ROBO2: variants seen among roughly 807,000 people sequenced by gnomAD.
The protein encoded by ROBO2 is roundabout homolog 2.
Under a neutral mutation model 160.8 loss-of-function variants are expected in ROBO2, and 53 were observed. That is an observed-to-expected ratio of 0.33 (90% CI 0.26 to 0.41). The LOEUF (loss-of-function observed/expected upper bound fraction) is 0.41, where lower values mean the gene tolerates loss of function less well. Ranked by LOEUF, ROBO2 falls within the 10% of genes least tolerant of loss-of-function variation. The pLI, the probability that ROBO2 is intolerant of heterozygous loss-of-function variation, is 1.00. For missense variants in ROBO2, 1,577 were observed against 1,722.4 expected (o/e 0.92, Z 1.49); for synonymous variants, 664 against 611.7 (o/e 1.09, Z -1.26).
At chr3:77,399,673 AATAGAT>A (rs1308232835) in intron 2 of ROBO2, among the ~76,000 whole-genome samples, 1 of 152,160 alleles carries the variant, frequency 6.6e-6, no homozygotes, top group African/African-American at 2.4e-5. Flanking sequence ...ACTTAATGGT[AATAGAT>A]ATAGAGTTCG....
At chr3:76,229,686 C>G (rs1295582417) in intron 2 of ROBO2, among the ~76,000 whole-genome samples, 1 of 151,894 alleles carries the variant, frequency 6.6e-6, no homozygotes, top group Non-Finnish European at 1.5e-5. Flanking sequence ...CCTATTTATC[C>G]TAGCTTCTTT....
intron 2 of ROBO2, among the ~76,000 whole-genome samples, chr3:76,305,215 T>C (rs572059453): frequency 6.6e-6 from 1 of 151,084 alleles, no homozygotes; most frequent in East Asian, 2.0e-4. Context: ...ATAGCCAGAT[T>C]CCTGTCTCTA....
At chr3:76,831,374 A>T (rs1431762637) in intron 2 of ROBO2, among the ~76,000 whole-genome samples, 1 of 152,208 alleles carries the variant, frequency 6.6e-6, no homozygotes. Flanking sequence ...TGATTTGATA[A>T]ATCTCAAAGG....
intron 2 of ROBO2, among the ~76,000 whole-genome samples, chr3:76,408,204 T>C (rs568315479): frequency 6.6e-6 from 1 of 152,210 alleles, no homozygotes; most frequent in East Asian, 1.9e-4. Flanking sequence ...ATTCAGACAT[T>C]GATGCCAATC....
chr3:77,307,068 C>T (rs1323217638), intron 2 of ROBO2, among the ~76,000 whole-genome samples: 2 of 152,122 alleles, frequency 1.3e-5, no homozygotes, highest in African/African-American at 4.8e-5. Context: ...ACAATTACAG[C>T]CTTTAACATG....
intron 2 of ROBO2, among the ~76,000 whole-genome samples, chr3:77,401,253 T>C (rs1425259256): frequency 1.9e-5 from 2 of 105,514 alleles, no homozygotes; most frequent in African/African-American, 8.7e-5. Context: ...ACTGCAGAGT[T>C]GTTTGTATTT....
chr3:76,198,898 A>G (rs894343960), intron 2 of ROBO2, among the ~76,000 whole-genome samples: 4 of 152,164 alleles, frequency 2.6e-5, no homozygotes, highest in Admixed American at 6.6e-5. Flanking sequence ...CCTTGCATGT[A>G]TTGATTGATG....
chr3:77,531,379 T>A (rs2153634986), intron 6 of ROBO2, among the ~76,000 whole-genome samples: 1 of 138,164 alleles, frequency 7.2e-6, no homozygotes, highest in African/African-American at 2.8e-5. Context: ...CAGCCACTAC[T>A]CTAAACAGAA....
chr3:76,477,781 G>A (rs1426536417), intron 2 of ROBO2, among the ~76,000 whole-genome samples: 1 of 151,480 alleles, frequency 6.6e-6, no homozygotes, highest in Non-Finnish European at 1.5e-5. Flanking sequence ...CCCTCTTCCT[G>A]CTGTTCCTTA....
At chr3:76,555,951 TGTG>T (rs1457021563) in intron 2 of ROBO2, among the ~76,000 whole-genome samples, 2 of 151,738 alleles carry the variant, frequency 1.3e-5, no homozygotes, top group African/African-American at 4.8e-5. Flanking sequence ...TTTGGCCAGG[TGTG>T]GTGGTGGGCA....
At chr3:77,141,325 T>C (rs2076685068) in intron 2 of ROBO2, among the ~76,000 whole-genome samples, 1 of 151,530 alleles carries the variant, frequency 6.6e-6, no homozygotes, top group South Asian at 2.1e-4. Context: ...TGTACTCTTT[T>C]ATAAACAGCC....
chr3:77,277,038 C>G (rs551662182), intron 2 of ROBO2, among the ~76,000 whole-genome samples: 2 of 152,158 alleles, frequency 1.3e-5, no homozygotes, highest in African/African-American at 4.8e-5. Flanking sequence ...TGGGTGCGGA[C>G]ACAGTCAAAC....
At chr3:76,817,619 A>G (rs934107316) in intron 2 of ROBO2, among the ~76,000 whole-genome samples, 3 of 151,948 alleles carry the variant, frequency 2.0e-5, no homozygotes, top group Admixed American at 2.0e-4. Context: ...ACTGCACCCA[A>G]TGTGTAGTCT....
At chr3:76,623,669 C>G (rs2089398108) in intron 2 of ROBO2, among the ~76,000 whole-genome samples, 1 of 152,148 alleles carries the variant, frequency 6.6e-6, no homozygotes, top group Non-Finnish European at 1.5e-5. Flanking sequence ...CTTCCAGAAC[C>G]TACATTATTC....
At chr3:76,428,541 C>T (rs544097201) in intron 2 of ROBO2, among the ~76,000 whole-genome samples, 1 of 152,110 alleles carries the variant, frequency 6.6e-6, no homozygotes, top group South Asian at 2.1e-4. Flanking sequence ...AGTCATGATA[C>T]TATGAAAATA....
intron 2 of ROBO2, among the ~76,000 whole-genome samples, chr3:76,142,554 C>G (rs1013978980): frequency 6.6e-6 from 1 of 151,836 alleles, no homozygotes; most frequent in Admixed American, 6.6e-5. Flanking sequence ...TGAAAAAAGC[C>G]AGGCACAGAA....
intron 2 of ROBO2, among the ~76,000 whole-genome samples, chr3:76,782,834 AT>A (rs1222764153): frequency 1.3e-5 from 2 of 150,678 alleles, no homozygotes; most frequent in African/African-American, 2.4e-5. Context: ...ATATATTTTG[AT>A]TGAAAAATTT....
At chr3:77,228,436 C>CACA (rs397744257) in intron 2 of ROBO2, among the ~76,000 whole-genome samples, 52 of 151,504 alleles carry the variant, frequency 3.4e-4, no homozygotes, top group Middle Eastern at 3.4e-3. Flanking sequence ...CACACACACA[C>CACA]CCTTTTTTTT....
intron 2 of ROBO2, among the ~76,000 whole-genome samples, chr3:77,440,793 A>G (rs1348883853): frequency 1.3e-5 from 2 of 152,112 alleles, no homozygotes; most frequent in Non-Finnish European, 2.9e-5. Context: ...TTTTTGCTAC[A>G]TTCTTTTTCC....
Sources: gnomAD v4.1 joint callset for allele counts (sites outside exome capture counted in the v4.1 genomes callset) on GRCh38, gnomAD v4.1.1 for gene constraint, MANE v1.5 for transcripts, NCBI Gene and HGNC (gene_info 2026-07-23, HGNC 2026-07-21) for gene names.